SHISAL1: variants seen among roughly 807,000 people sequenced by gnomAD.
The protein encoded by SHISAL1 is shisa like 1.
Under a neutral mutation model 22.6 loss-of-function variants are expected in SHISAL1, and 9 were observed. That is an observed-to-expected ratio of 0.40 (90% CI 0.24 to 0.70). The LOEUF is 0.70. SHISAL1 is among the 30% of genes least tolerant of loss of function. SHISAL1 has a pLI of 0.39. For synonymous variants in SHISAL1, 119 were observed against 115.4 expected, an observed-to-expected ratio of 1.03 and a Z score of -0.20; for missense variants, 246 against 270.6, an observed-to-expected ratio of 0.91 and a Z score of 0.64.
At position 44,244,362 on chromosome 22, in the gene SHISAL1, C is replaced by T. The variant is rs2054980330; in HGVS notation, c.*5323G>A. 6.6e-6 allele frequency: 1 copy of T among 152,168 alleles called. No individual in the cohort carries two copies. Among genetic ancestry groups the T allele is most frequent in the Non-Finnish European group, 1.5e-5 (1 of 68,044 alleles). 9.4% of individuals were successfully genotyped at this position (152,168 alleles called of 1,614,324 possible). ...TCAGTGCAGTCTATGTAAACAGTATCCCTGGGAGCCCATTACCATTTATGG... is the reference window on the plus strand; with the variant it reads ...TCAGTGCAGTCTATGTAAACAGTATTCCTGGGAGCCCATTACCATTTATGG... On this transcript the variant is annotated 3_prime_UTR_variant, in exon 5 of 5. Coordinates refer to ENST00000381176, the MANE Select transcript of SHISAL1 (RefSeq NM_001099294.2).
chr22:44,299,711 C>G (rs2055412330), intron 2 of SHISAL1, among the ~76,000 whole-genome samples: 1 of 152,144 alleles, frequency 6.6e-6, no homozygotes, highest in African/African-American at 2.4e-5. Flanking sequence ...GACACAGAGA[C>G]AGAGACAGAG....
intron 2 of SHISAL1, among the ~76,000 whole-genome samples, chr22:44,297,574 T>C (rs1304189603): frequency 6.6e-6 from 1 of 152,208 alleles, no homozygotes; most frequent in African/African-American, 2.4e-5. Context: ...CACCCCCACC[T>C]CACGGTGGTA....
chr22:44,296,498 A>G (rs1314045592), intron 3 of SHISAL1, among the ~76,000 whole-genome samples, 174 bp downstream of exon 3: 1 of 152,174 alleles, frequency 6.6e-6, no homozygotes, highest in Non-Finnish European at 1.5e-5. Context: ...TGAAACTTAG[A>G]AGGCACAATG....
chr22:44,281,961 AT>A (rs997273477), intron 4 of SHISAL1, among the ~76,000 whole-genome samples: 1 of 152,096 alleles, frequency 6.6e-6, no homozygotes, highest in African/African-American at 2.4e-5. Context: ...CAGCACTTGG[AT>A]TTTGCCCAGC....
chr22:44,308,974 G>A (rs1052869693), intron 1 of SHISAL1, among the ~76,000 whole-genome samples: 3 of 152,198 alleles, frequency 2.0e-5, no homozygotes, highest in South Asian at 2.1e-4. Flanking sequence ...GGTGTGAAGC[G>A]GCTGGTGGCG....
chr22:44,306,721 G>T (rs550301938), intron 1 of SHISAL1, among the ~76,000 whole-genome samples: 1 of 128,098 alleles, frequency 7.8e-6, no homozygotes, highest in Non-Finnish European at 1.6e-5. Flanking sequence ...CTCTGATGAC[G>T]ATGGCGTGTG....
chr22:44,272,213 C>T (rs1384152495), intron 4 of SHISAL1, among the ~76,000 whole-genome samples: 1 of 152,208 alleles, frequency 6.6e-6, no homozygotes, highest in East Asian at 1.9e-4. Context: ...CCCAGAGACA[C>T]ACAATCTCCA....
intron 4 of SHISAL1, among the ~76,000 whole-genome samples, chr22:44,284,753 G>A (rs192558860): frequency 4.6e-5 from 7 of 152,234 alleles, no homozygotes; most frequent in South Asian, 2.1e-4. Context: ...ACCCAGGGCC[G>A]CCTGGGATTA....
At chr22:44,273,965 T>A (rs1287975560) in intron 4 of SHISAL1, among the ~76,000 whole-genome samples, 1 of 152,084 alleles carries the variant, frequency 6.6e-6, no homozygotes, top group African/African-American at 2.4e-5. Flanking sequence ...CGCCTGTAGT[T>A]CTAGCACTTT....
rs1392251819 is a variant in SHISAL1, at chr22:44,248,634, G to C, written c.*1051C>G. The stretch of plus-strand genomic sequence containing the variant: ...CCCACCAGATGGGAGGCTCCCCGGG[G>C]GCAGAGATGAGATCTAACTCATCTT... On this transcript the variant is annotated 3_prime_UTR_variant, in exon 5 of 5. Coordinates refer to ENST00000381176, the MANE Select transcript of SHISAL1 (RefSeq NM_001099294.2). 2 of 152,148 alleles carry C rather than the reference G, an allele frequency of 1.3e-5. No individual in the cohort carries two copies. Among genetic ancestry groups the C allele is most frequent in the African/African-American group, 4.8e-5 (2 of 41,408 alleles). 9.4% of individuals were successfully genotyped at this position (152,148 alleles called of 1,614,324 possible).
At chr22:44,297,460 GACCTCTTGGGT>G (rs983416086) in intron 2 of SHISAL1, among the ~76,000 whole-genome samples, 35 of 152,330 alleles carry the variant, frequency 2.3e-4, no homozygotes, top group Admixed American at 2.1e-3. Context: ...TAGGTGCAAG[GACCTCTTGGGT>G]ACCTCTTGGG....
At chr22:44,298,651 C>G (rs1330943673) in intron 2 of SHISAL1, among the ~76,000 whole-genome samples, 1 of 152,186 alleles carries the variant, frequency 6.6e-6, no homozygotes, top group Non-Finnish European at 1.5e-5. Context: ...GGGACCAGCC[C>G]GTGAGGCTAC....
the SHISAL1 span, among the ~76,000 whole-genome samples, chr22:44,319,590 G>A: frequency 1.8e-4 from 27 of 152,130 alleles, no homozygotes; most frequent in Admixed American, 5.9e-4. Flanking sequence ...ACGATGTCCC[G>A]GCAGACCCCG....
chr22:44,329,706 G>A, the SHISAL1 span, among the ~76,000 whole-genome samples: 5 of 152,322 alleles, frequency 3.3e-5, no homozygotes, highest in South Asian at 1.0e-3. Flanking sequence ...GAGACGAGGT[G>A]CTTGCAGAGA....
intron 4 of SHISAL1, among the ~76,000 whole-genome samples, chr22:44,262,482 C>A (rs1180733081): frequency 1.3e-5 from 2 of 152,244 alleles, no homozygotes; most frequent in Non-Finnish European, 2.9e-5. Context: ...TGCCAAGCAC[C>A]TCCCATGCGT....
intron 3 of SHISAL1, among the ~76,000 whole-genome samples, chr22:44,296,137 GTCCCTCCCTCCC>G (rs374068734): frequency 6.6e-6 from 1 of 151,644 alleles, no homozygotes; most frequent in Non-Finnish European, 1.5e-5. Flanking sequence ...AGTATTCTGT[GTCCCTCCCTCCC>G]TCCCTCCCTC....
intron 4 of SHISAL1, among the ~76,000 whole-genome samples, chr22:44,270,330 G>A (rs759093468): frequency 6.6e-6 from 1 of 152,200 alleles, no homozygotes. Context: ...TCCAGTAAGT[G>A]TACACATTGA....
chr22:44,270,781 C>T (rs769567355), intron 4 of SHISAL1, among the ~76,000 whole-genome samples: 24 of 152,182 alleles, frequency 1.6e-4, no homozygotes, highest in Non-Finnish European at 2.9e-4. Context: ...AGTGAGACCA[C>T]CAGCACCACT....
At chr22:44,268,622 G>A (rs985791880) in intron 4 of SHISAL1, among the ~76,000 whole-genome samples, 5 of 152,200 alleles carry the variant, frequency 3.3e-5, no homozygotes, top group Non-Finnish European at 5.9e-5. Context: ...AACAGGCCAC[G>A]GAGCTCTCTG....
Sources: allele counts gnomAD v4.1 joint callset (sites outside exome capture counted in the v4.1 genomes callset), GRCh38; gene constraint gnomAD v4.1.1; transcripts MANE v1.5; gene names NCBI Gene and HGNC (gene_info 2026-07-23, HGNC 2026-07-21).